The following SUPT3H variants were observed in gnomAD, a reference collection of about 807,000 sequenced individuals.
The protein encoded by SUPT3H is SPT3 homolog, SAGA and STAGA complex component, also known as transcription initiation protein SPT3 homolog.
In SUPT3H, 44 loss-of-function variants were observed where a neutral mutation model predicts 44.3. The ratio of observed to expected loss-of-function variants is 0.99; its 90% CI spans 0.78 to 1.28. SUPT3H has a LOEUF of 1.28. Among genes scored for constraint, SUPT3H ranks in the 50% most tolerant of loss-of-function variants. The pLI, the probability that SUPT3H is intolerant of heterozygous loss-of-function variation, is 0.00. For missense variants in SUPT3H, 380 were observed against 387.1 expected (o/e 0.98, Z 0.15); for synonymous variants, 124 against 125.6 (o/e 0.99, Z 0.09).
chr6:44,921,064 T>C (rs957392006), intron 10 of SUPT3H, among the ~76,000 whole-genome samples: 22 of 152,214 alleles, frequency 1.4e-4, no homozygotes, highest in African/African-American at 4.8e-5. Flanking sequence ...TGCTTATTTA[T>C]TCACCTCCTT....
intron 3 of SUPT3H, among the ~76,000 whole-genome samples, chr6:45,026,985 C>CTTTTT (rs34588777): frequency 5.7e-5 from 5 of 87,508 alleles, no homozygotes; most frequent in Non-Finnish European, 6.2e-5. Context: ...GCTTTGGATC[C>CTTTTT]TTTTTTTTTT....
intron 2 of SUPT3H, among the ~76,000 whole-genome samples, chr6:45,285,556 AAGG>A (rs1478604388): frequency 1.3e-5 from 2 of 152,148 alleles, no homozygotes; most frequent in Admixed American, 1.3e-4. Flanking sequence ...GGACCTCTTC[AAGG>A]AGAACTACAA....
intron 10 of SUPT3H, among the ~76,000 whole-genome samples, chr6:44,870,593 T>G (rs532175232): frequency 1.5e-5 from 2 of 131,362 alleles, no homozygotes; most frequent in Admixed American, 7.9e-5. Context: ...AGTGAGACTC[T>G]GTCTCAAAAA....
intron 2 of SUPT3H, among the ~76,000 whole-genome samples, chr6:45,311,948 C>T (rs981302172): frequency 6.6e-6 from 1 of 152,026 alleles, no homozygotes; most frequent in Non-Finnish European, 1.5e-5. Context: ...TAACAAAGAA[C>T]ATGATGAATG....
intron 2 of SUPT3H, among the ~76,000 whole-genome samples, chr6:45,295,148 G>A (rs1780937742): frequency 6.6e-6 from 1 of 151,874 alleles, no homozygotes. Context: ...TAGAAAAACA[G>A]GCACATAGAC....
intron 3 of SUPT3H, among the ~76,000 whole-genome samples, chr6:45,046,095 T>G (rs1239450065): frequency 6.6e-6 from 1 of 152,212 alleles, no homozygotes; most frequent in Non-Finnish European, 1.5e-5. Context: ...ATTTTAGCTA[T>G]TTTAATATTT....
At chr6:44,853,137 G>A (rs1215093785) in intron 10 of SUPT3H, among the ~76,000 whole-genome samples, 2 of 152,158 alleles carry the variant, frequency 1.3e-5, no homozygotes, top group Non-Finnish European at 2.9e-5. Context: ...ACTATTCTAA[G>A]CATTTAACAT....
intron 2 of SUPT3H, among the ~76,000 whole-genome samples, chr6:45,329,750 A>C (rs1231305713): frequency 1.3e-5 from 2 of 151,968 alleles, no homozygotes; most frequent in African/African-American, 4.8e-5. Flanking sequence ...TTTAATTTCA[A>C]GTTACTGTTG....
intron 2 of SUPT3H, among the ~76,000 whole-genome samples, chr6:45,154,717 G>A (rs1400564105): frequency 1.3e-5 from 2 of 152,074 alleles, no homozygotes; most frequent in Non-Finnish European, 2.9e-5. Context: ...ATCCTGCCCT[G>A]CACCCATCAA....
chr6:45,176,824 G>C, intron 2 of SUPT3H, among the ~76,000 whole-genome samples: 1 of 151,664 alleles, frequency 6.6e-6, no homozygotes, highest in East Asian at 1.9e-4. Context: ...ACTGACACAA[G>C]GCCAGGTACT....
chr6:44,951,667 G>T (rs967723495), intron 9 of SUPT3H, among the ~76,000 whole-genome samples: 1 of 152,144 alleles, frequency 6.6e-6, no homozygotes, highest in African/African-American at 2.4e-5. Context: ...TCAACTGCTG[G>T]GTAGCTGGGA....
chr6:45,059,419 G>C (rs147718801), intron 3 of SUPT3H, among the ~76,000 whole-genome samples: 2 of 151,942 alleles, frequency 1.3e-5, no homozygotes, highest in African/African-American at 4.8e-5. Context: ...AATAAACTAG[G>C]AATTGAAGGA....
At chr6:44,898,860 C>T (rs1027008028) in intron 10 of SUPT3H, 2 of 152,258 alleles carry the variant, frequency 1.3e-5, no homozygotes, top group African/African-American at 4.8e-5. Context: ...ACTACCCCGA[C>T]TTGGCCAAGG....
chr6:45,036,861 G>A (rs896772033), intron 3 of SUPT3H, among the ~76,000 whole-genome samples: 5 of 152,052 alleles, frequency 3.3e-5, no homozygotes, highest in African/African-American at 1.2e-4. Flanking sequence ...TAGGACATAG[G>A]GGGTCCCAAA....
At chr6:45,086,839 A>T (rs1362388553) in intron 3 of SUPT3H, among the ~76,000 whole-genome samples, 3 of 151,952 alleles carry the variant, frequency 2.0e-5, no homozygotes, top group African/African-American at 7.2e-5. Flanking sequence ...TTAATAAATA[A>T]AATTTAATAT....
intron 11 of SUPT3H, among the ~76,000 whole-genome samples, chr6:44,817,610 A>G (rs946694513): frequency 2.0e-5 from 3 of 152,186 alleles, no homozygotes; most frequent in Non-Finnish European, 2.9e-5. Flanking sequence ...TCAGCAATCT[A>G]TTAGAGCTAG....
chr6:45,166,157 G>A (rs987218747), intron 2 of SUPT3H, among the ~76,000 whole-genome samples: 2 of 152,122 alleles, frequency 1.3e-5, no homozygotes, highest in Non-Finnish European at 2.9e-5. Context: ...GCTGGAGGTG[G>A]TGGCACACGC....
chr6:45,130,011 AAC>A (rs1803182212), intron 2 of SUPT3H, among the ~76,000 whole-genome samples: 1 of 152,250 alleles, frequency 6.6e-6, no homozygotes, highest in Non-Finnish European at 1.5e-5. Context: ...GATTATTTTT[AAC>A]ACTTTCACTG....
At chr6:45,374,424 T>C (rs975366652) in intron 1 of SUPT3H, among the ~76,000 whole-genome samples, 5 of 152,336 alleles carry the variant, frequency 3.3e-5, no homozygotes, top group African/African-American at 1.2e-4. Context: ...GAACCCAGTA[T>C]TCTTAGGAAG....
Sources: allele counts gnomAD v4.1 joint callset (sites outside exome capture counted in the v4.1 genomes callset), GRCh38; gene constraint gnomAD v4.1.1; transcripts MANE v1.5; gene names NCBI Gene and HGNC (gene_info 2026-07-23, HGNC 2026-07-21).